The following HMCN1 variants were observed in gnomAD, a reference collection of about 807,000 sequenced individuals.
The protein encoded by HMCN1 is hemicentin 1.
HMCN1 carries 321 observed loss-of-function variants against 625.9 expected under a neutral mutation model. The observed-to-expected ratio is 0.51, with a 90% CI of 0.47 to 0.56. The LOEUF (loss-of-function observed/expected upper bound fraction) is 0.56. HMCN1 is among the 20% of genes least tolerant of loss of function. The pLI, the probability that HMCN1 is intolerant of heterozygous loss-of-function variation, is 0.00. For synonymous variants in HMCN1, 2,425 were observed against 2,417.6 expected (o/e 1.00, Z -0.09); for missense variants, 6,588 against 6,887.3 (o/e 0.96, Z 1.54).
intron 4 of HMCN1, among the ~76,000 whole-genome samples, chr1:185,867,123 T>A (rs75266246): frequency 3.3e-5 from 5 of 152,162 alleles, no homozygotes; most frequent in Non-Finnish European, 5.9e-5. Context: ...TAGCGAAAAA[T>A]TTTTTTAATC....
intron 1 of HMCN1, among the ~76,000 whole-genome samples, chr1:185,774,246 T>C (rs756805488): frequency 4.6e-5 from 7 of 152,070 alleles, no homozygotes; most frequent in Non-Finnish European, 1.0e-4. Context: ...AAGAAGAACA[T>C]TGATGAAATA....
intron 70 of HMCN1, among the ~76,000 whole-genome samples, chr1:186,108,024 C>T (rs1020608570): frequency 2.3e-3 from 274 of 120,926 alleles, no homozygotes; most frequent in Non-Finnish European, 3.3e-3. Context: ...TTAATTGACA[C>T]GTAAATTCTG....
intron 4 of HMCN1, among the ~76,000 whole-genome samples, chr1:185,896,191 C>T (rs1361401810): frequency 6.6e-6 from 1 of 152,104 alleles, no homozygotes; most frequent in Admixed American, 6.6e-5. Context: ...CTCCCTCGGC[C>T]TCCCAAAGTG....
rs933989684 is a variant in HMCN1, at chr1:186,018,463, G to A, written c.5470+111G>A. On this transcript the variant is annotated intron_variant, in intron 34 of 106. Coordinates refer to ENST00000271588, the MANE Select transcript of HMCN1 (RefSeq NM_031935.3). ...TGTGAATAAATCCTGAGTTGTGGAA[G>A]GTAGTGTAAAGGATGTGAATTTCAG... The A allele has an allele frequency of 4.4e-6, 5 of 1,146,416 alleles. No individual in the cohort carries two copies. The African/African-American group carries it at 6.1e-5, about 14-fold the overall frequency. The allele number at this position is 1,146,416 out of a possible 1,614,324, so 71.0% of individuals were successfully genotyped here.
chr1:186,094,070 C>A (rs1340963701), intron 66 of HMCN1, among the ~76,000 whole-genome samples: 1 of 151,986 alleles, frequency 6.6e-6, no homozygotes, highest in East Asian at 1.9e-4. Flanking sequence ...GCTATATTTT[C>A]AGTGGTTTAT....
intron 48 of HMCN1, among the ~76,000 whole-genome samples, chr1:186,064,087 CAG>C (rs1491409780): frequency 9.2e-5 from 14 of 152,168 alleles, no homozygotes; most frequent in Non-Finnish European, 1.6e-4. Flanking sequence ...CAGATATAAA[CAG>C]TGTGATATAT....
At position 186,002,713 on chromosome 1, in the gene HMCN1, T is replaced by G. The variant is rs1233394357; in HGVS notation, c.4348+972T>G. 2.0e-5 allele frequency among the ~76,000 whole-genome samples: 3 copies of G among 151,998 alleles called. No homozygotes were observed. The East Asian group carries it at 5.8e-4, about 29-fold the overall frequency. ...GAGCCTAGGGATATATAGCTAATTT[T>G]CTCCATAGTATTGTGACTTGAATAC... is the stretch of plus-strand genomic sequence containing the variant. On this transcript the variant is annotated intron_variant, in intron 28 of 106. Coordinates refer to ENST00000271588, the MANE Select transcript of HMCN1 (RefSeq NM_031935.3).
rs188251624 is a variant in HMCN1 at position 185,756,524 on chromosome 1, A to G, written c.268+21477A>G. Among the ~76,000 whole-genome samples the G allele has an allele frequency of 2.0e-5, 3 of 152,144 alleles. No individual in the cohort carries two copies. In the East Asian group the frequency reaches 5.8e-4, roughly 29 times the overall value. ...GAAAAAAAGGAAGTATGATAGTAAT[A>G]TCTTTCTCTATAAATTGTAGTGAAG... On this transcript the variant is annotated intron_variant, in intron 1 of 106. Coordinates refer to ENST00000271588, the MANE Select transcript of HMCN1 (RefSeq NM_031935.3).
At chr1:185,977,766 G>A in intron 15 of HMCN1, 21 bp from the exon 16 acceptor site, 1 of 1,530,264 alleles carries the variant, frequency 6.5e-7, no homozygotes, top group Non-Finnish European at 9.1e-7. Flanking sequence ...TGACTTATTT[G>A]TTGTTTGTAA....
In HMCN1 at chr1:186,000,147, C is replaced by A. The variant is rs754578436; in HGVS notation, c.3977C>A (p.Ala1326Asp). Reference protein sequence around the residue: ...ILEDGTLLVIASVTPYDNGEY... With the variant: ...ILEDGTLLVIDSVTPYDNGEY... ...GAAGATGGCACATTGCTGGTTATTGCTTCTGTTACACCCTATGACAATGGG... is the reference window on the plus strand; with the variant it reads ...GAAGATGGCACATTGCTGGTTATTGATTCTGTTACACCCTATGACAATGGG... The change falls in exon 26 of 107, where the codon GCT (alanine) becomes GAT (aspartate). Residue 1326 changes from alanine (A) to aspartate (D), a missense_variant. Transcript: ENST00000271588. The A allele has an allele frequency of 1.7e-5, 28 of 1,612,924 alleles. No individual in the cohort carries two copies. Among genetic ancestry groups the A allele is most frequent in the Admixed American group, 8.3e-5 (5 of 59,892 alleles).
intron 19 of HMCN1, among the ~76,000 whole-genome samples, chr1:185,986,818 C>A (rs1482439661): frequency 7.1e-6 from 1 of 140,708 alleles, no homozygotes; most frequent in East Asian, 2.0e-4. Context: ...CACAGCAAGA[C>A]CCTGTCTCAA....
chr1:185,978,090 A>G, intron 16 of HMCN1, 109 bp downstream of exon 16: 1 of 787,356 alleles, frequency 1.3e-6, no homozygotes, highest in Non-Finnish European at 2.0e-6. Flanking sequence ...TTGCCAACAC[A>G]TTTTATGTTC....
Position 185,822,433 on chromosome 1 carries a change from GC to G in HMCN1, c.269-23588del, listed in dbSNP as rs139742535. 8.9e-3 allele frequency among the ~76,000 whole-genome samples: 1,356 copies of G among 152,052 alleles called. 15 individuals carry two copies. The highest frequency in any genetic ancestry group is 0.031 in the African/African-American group (1,288 of 41,476). ...CTCCATCTTTCCAGGAAACTGAGAGGCCCCCAAAACACCCAAACTGAGTGTT... is the reference window on the plus strand; with the variant it reads ...CTCCATCTTTCCAGGAAACTGAGAGGCCCCAAAACACCCAAACTGAGTGTT... On this transcript the variant is annotated intron_variant, in intron 1 of 106. Coordinates refer to ENST00000271588, the MANE Select transcript of HMCN1 (RefSeq NM_031935.3).
intron 67 of HMCN1, among the ~76,000 whole-genome samples, chr1:186,094,916 T>C (rs1224971490): frequency 1.3e-5 from 2 of 152,152 alleles, no homozygotes; most frequent in Non-Finnish European, 2.9e-5. Context: ...TATAGAGTAG[T>C]TAAAAGAATA....
Position 186,165,144 on chromosome 1 carries a change from C to T in HMCN1, c.15290C>T (p.Thr5097Ile). The change falls in exon 98 of 107, where the codon ACC (threonine) becomes ATC (isoleucine). Residue 5097 changes from threonine to isoleucine, a missense_variant. Transcript: ENST00000271588. Reference protein sequence around the residue: ...DRSNQCPSGFTLDSVGPFCAD... With the variant: ...DRSNQCPSGFILDSVGPFCAD... ...AGTAATCAGTGCCCCTCCGGGTTTACCTTAGACTCAGTTGGACCTTTTTGT... is the reference window on the plus strand; with the variant it reads ...AGTAATCAGTGCCCCTCCGGGTTTATCTTAGACTCAGTTGGACCTTTTTGT... The T allele has an allele frequency of 6.2e-7, 1 of 1,614,044 alleles. No individual in the cohort carries two copies. The highest frequency in any genetic ancestry group is 8.5e-7 in the Non-Finnish European group (1 of 1,179,976).
Position 186,093,607 on chromosome 1 carries a change from G to A in HMCN1, c.10134G>A (p.Lys3378=). The change falls in exon 66 of 107, where the codon AAG becomes AAA. Residue 3378 remains lysine, a synonymous_variant. Coordinates refer to ENST00000271588, the MANE Select transcript of HMCN1 (RefSeq NM_031935.3). ...GTPPPQINWL[K]NGLPLPLSSH... is the part of the protein sequence containing the mutation. ...CTCCACCACAGATAAACTGGCTGAAGAATGGACTTCCTCTGCCTCTCTCCT... is the reference window on the plus strand; with the variant it reads ...CTCCACCACAGATAAACTGGCTGAAAAATGGACTTCCTCTGCCTCTCTCCT... 6.2e-7 allele frequency: 1 copy of A among 1,613,430 alleles called. No homozygotes were observed. Among genetic ancestry groups the A allele is most frequent in the Non-Finnish European group, 8.5e-7 (1 of 1,179,650 alleles).
At chr1:186,015,087 C>G in intron 30 of HMCN1, 72 bp from the exon 31 acceptor site, 1 of 1,310,596 alleles carries the variant, frequency 7.6e-7, no homozygotes, top group Non-Finnish European at 1.1e-6. Context: ...GTTTAAACAT[C>G]TATAGCATTT....
intron 99 of HMCN1, 101 bp downstream of exon 99, chr1:186,166,404 G>A: frequency 7.0e-7 from 1 of 1,431,704 alleles, no homozygotes. Flanking sequence ...TACTACTTCT[G>A]CCCACACCTT....
intron 4 of HMCN1, among the ~76,000 whole-genome samples, chr1:185,902,852 TA>T (rs1231148738): frequency 6.6e-6 from 1 of 151,654 alleles, no homozygotes; most frequent in East Asian, 1.9e-4. Context: ...TATGTATTTT[TA>T]TAACTTTTTT....
Sources: gnomAD v4.1 joint callset for allele counts (sites outside exome capture counted in the v4.1 genomes callset) on GRCh38, gnomAD v4.1.1 for gene constraint, MANE v1.5 for transcripts, NCBI Gene and HGNC (gene_info 2026-07-23, HGNC 2026-07-21) for gene names.